COL11A1: variants seen among roughly 807,000 people sequenced by gnomAD.
The protein encoded by COL11A1 is collagen alpha-1(XI) chain.
A neutral mutation model predicts 265.2 loss-of-function variants in COL11A1; 74 were observed. The ratio of observed to expected loss-of-function variants is 0.28; its 90% CI spans 0.23 to 0.34. The LOEUF (loss-of-function observed/expected upper bound fraction) is 0.34, where lower values mean the gene tolerates loss of function less well. COL11A1 is among the 10% of genes least tolerant of loss of function. The probability of loss-of-function intolerance (pLI) is 1.00; values close to 1 mark genes in which losing one functional copy is unlikely to be tolerated. For synonymous variants in COL11A1, 816 were observed against 727.6 expected, an observed-to-expected ratio of 1.12 and a Z score of -1.96; for missense variants, 2,165 against 2,263.6, an observed-to-expected ratio of 0.96 and a Z score of 0.88.
intron 54 of COL11A1, among the ~76,000 whole-genome samples, chr1:102,907,099 C>A (rs1676504): frequency 0.051 from 7,796 of 151,986 alleles, 359 homozygotes; most frequent in African/African-American, 0.11. Flanking sequence ...TCGGGCTGAC[C>A]TAAGGTTGAT....
At chr1:103,033,873 A>G (rs1006263281) in intron 4 of COL11A1, among the ~76,000 whole-genome samples, 1 of 152,114 alleles carries the variant, frequency 6.6e-6, no homozygotes, top group Non-Finnish European at 1.5e-5. Context: ...GACTCCAGCT[A>G]TCTTCCGACT....
intron 4 of COL11A1, among the ~76,000 whole-genome samples, chr1:103,032,807 C>CA (rs1277225020): frequency 2.6e-5 from 4 of 152,046 alleles, no homozygotes; most frequent in African/African-American, 4.8e-5. Flanking sequence ...TCTATGCTTA[C>CA]ATTTCTCTTC....
intron 3 of COL11A1, among the ~76,000 whole-genome samples, chr1:103,075,690 T>A (rs1218543042): frequency 6.6e-6 from 1 of 152,084 alleles, no homozygotes; most frequent in Non-Finnish European, 1.5e-5. Context: ...ATATTTTATT[T>A]TTTTTCCAAA....
At chr1:102,984,922 T>C (rs891949279) in intron 30 of COL11A1, among the ~76,000 whole-genome samples, 2 of 151,992 alleles carry the variant, frequency 1.3e-5, no homozygotes, top group East Asian at 3.9e-4. Flanking sequence ...ATTTAAGTTA[T>C]AATGAAGTCC....
Position 102,923,379 on chromosome 1 carries a change from C to G in COL11A1, c.3611G>C (p.Gly1204Ala). 1 of 1,600,934 alleles carries G rather than the reference C, an allele frequency of 6.2e-7. No individual in the cohort carries two copies. The highest frequency in any genetic ancestry group is 1.1e-5 in the South Asian group (1 of 89,248). Residue 1204 changes from glycine (G) to alanine (A), a missense_variant, in exon 47 of 67, where the codon GGC becomes GCC. Physicochemically the swap from Gly to Ala is moderately conservative, Grantham distance 60. Transcript: ENST00000370096. ...PGPIGLQGLP[G>A]PPGEKGENGD... ...ATTTTCACCTTTTTCACCAGGTGGG[C>G]CTGGCAGACCCTAAGAAAATATAAT...
chr1:102,981,395 G>T (rs1401725687), intron 31 of COL11A1, among the ~76,000 whole-genome samples: 1 of 142,028 alleles, frequency 7.0e-6, no homozygotes, highest in East Asian at 2.0e-4. Flanking sequence ...TAAAAATTTT[G>T]AGGGGGGGGA....
At chr1:103,090,294 A>T (rs1041263203) in intron 1 of COL11A1, among the ~76,000 whole-genome samples, 6 of 152,170 alleles carry the variant, frequency 3.9e-5, no homozygotes, top group Non-Finnish European at 8.8e-5. Flanking sequence ...TAATAAAAAT[A>T]AAATAATACA....
intron 42 of COL11A1, among the ~76,000 whole-genome samples, chr1:102,941,714 C>T (rs897866910): frequency 1.3e-5 from 2 of 152,130 alleles, no homozygotes; most frequent in Non-Finnish European, 2.9e-5. Context: ...AAGGAAAGTC[C>T]CCAATTCTAG....
intron 4 of COL11A1, among the ~76,000 whole-genome samples, chr1:103,070,406 G>A (rs368121788): frequency 6.6e-6 from 1 of 151,056 alleles, no homozygotes; most frequent in South Asian, 2.1e-4. Context: ...AACATAATTC[G>A]ACATACTATT....
intron 9 of COL11A1, among the ~76,000 whole-genome samples, chr1:103,019,912 A>G (rs1298587263): frequency 6.7e-6 from 1 of 149,366 alleles, no homozygotes; most frequent in African/African-American, 2.5e-5. Flanking sequence ...TACAAAGGAC[A>G]TGAACTCATC....
At chr1:102,881,601 A>T in intron 65 of COL11A1, 96 bp downstream of exon 65, 1 of 991,540 alleles carries the variant, frequency 1.0e-6, no homozygotes. Context: ...CATTTAGCAT[A>T]ATTTAGACTT....
intron 4 of COL11A1, among the ~76,000 whole-genome samples, chr1:103,057,102 T>C (rs1008286495): frequency 6.6e-6 from 1 of 152,184 alleles, no homozygotes; most frequent in Non-Finnish European, 1.5e-5. Context: ...TGCTTTTTGA[T>C]AGCATTTTAC....
intron 4 of COL11A1, among the ~76,000 whole-genome samples, chr1:103,041,564 A>G (rs1036445893): frequency 6.6e-6 from 1 of 151,976 alleles, no homozygotes; most frequent in African/African-American, 2.4e-5. Flanking sequence ...CTCTATAACA[A>G]TGAATGATAC....
chr1:103,085,194 T>C, intron 1 of COL11A1, among the ~76,000 whole-genome samples: 1 of 152,234 alleles, frequency 6.6e-6, no homozygotes, highest in Non-Finnish European at 1.5e-5. Context: ...ATTTGGATAA[T>C]TATGGTAGAG....
At position 102,974,915 on chromosome 1, in the gene COL11A1, C is replaced by T. The variant is rs539467790; in HGVS notation, c.2755-32G>A. The stretch of plus-strand genomic sequence containing the variant: ...ATAAAAAGCAGTGGGGAGAAGTTAA[C>T]AATATGCCTTAGAAGATGCATCTTT... On this transcript the variant is annotated intron_variant, in intron 35 of 66. Transcript: ENST00000370096. The T allele has an allele frequency of 8.5e-6, 13 of 1,538,264 alleles. No individual in the cohort carries two copies. In the African/African-American group the frequency reaches 1.8e-4, roughly 21 times the overall value.
chr1:102,911,354 C>T (rs1654653581), intron 54 of COL11A1, among the ~76,000 whole-genome samples: 1 of 151,876 alleles, frequency 6.6e-6, no homozygotes, highest in Non-Finnish European at 1.5e-5. Context: ...TGAAAAATAC[C>T]CCTGAAATAA....
chr1:102,931,320 A>T (rs1385993872), intron 46 of COL11A1, among the ~76,000 whole-genome samples: 5 of 149,906 alleles, frequency 3.3e-5, no homozygotes, highest in Non-Finnish European at 7.4e-5. Context: ...TTCAAAGAAC[A>T]TCTTTATTTC....
At chr1:103,103,609 C>A (rs1674466476) in intron 1 of COL11A1, among the ~76,000 whole-genome samples, 1 of 151,944 alleles carries the variant, frequency 6.6e-6, no homozygotes. Context: ...TACCTTCTCA[C>A]TAATCTAAAC....
At chr1:103,013,239 C>A (rs1380893816) in intron 13 of COL11A1, among the ~76,000 whole-genome samples, 1 of 151,854 alleles carries the variant, frequency 6.6e-6, no homozygotes, top group African/African-American at 2.4e-5. Context: ...GAAAAGTGCA[C>A]GAGATGAAAA....
Sources: allele counts gnomAD v4.1 joint callset (sites outside exome capture counted in the v4.1 genomes callset), GRCh38; gene constraint gnomAD v4.1.1; transcripts MANE v1.5; gene names NCBI Gene and HGNC (gene_info 2026-07-23, HGNC 2026-07-21).